Variants in FAM13C observed in about 807,000 individuals in gnomAD.
The protein encoded by FAM13C is family with sequence similarity 13 member C.
A neutral mutation model predicts 73.2 loss-of-function variants in FAM13C; 37 were observed. That is an observed-to-expected ratio of 0.51 (90% CI 0.39 to 0.67). The LOEUF is 0.67. FAM13C is among the 30% of genes least tolerant of loss of function. The probability of loss-of-function intolerance (pLI) is 0.00; values close to 1 mark genes in which losing one functional copy is unlikely to be tolerated. For missense variants in FAM13C, 589 were observed against 715.6 expected, an observed-to-expected ratio of 0.82 and a Z score of 2.02; for synonymous variants, 246 against 260.9, an observed-to-expected ratio of 0.94 and a Z score of 0.55.
intron 5 of FAM13C, among the ~76,000 whole-genome samples, chr10:59,291,940 C>CTTTTT: frequency 2.0e-5 from 3 of 151,916 alleles, no homozygotes; most frequent in Admixed American, 2.0e-4. Flanking sequence ...AGGCGCCCAC[C>CTTTTT]ATCACGCCTG....
At chr10:59,272,139 C>A (rs1303447077) in intron 6 of FAM13C, among the ~76,000 whole-genome samples, 1 of 152,176 alleles carries the variant, frequency 6.6e-6, no homozygotes, top group African/African-American at 2.4e-5. Context: ...TAATTGTAAA[C>A]CTCCATTTAT....
At chr10:59,263,323 G>C (rs971133294) in intron 9 of FAM13C, among the ~76,000 whole-genome samples, 3 of 152,142 alleles carry the variant, frequency 2.0e-5, no homozygotes, top group African/African-American at 7.2e-5. Flanking sequence ...CAATTACATA[G>C]CTCATTTTCT....
At chr10:59,317,893 C>A (rs556869243) in intron 4 of FAM13C, among the ~76,000 whole-genome samples, 4 of 151,992 alleles carry the variant, frequency 2.6e-5, no homozygotes, top group East Asian at 3.9e-4. Flanking sequence ...ATCCCTCCCC[C>A]CTTCCCCCAC....
intron 1 of FAM13C, among the ~76,000 whole-genome samples, chr10:59,356,887 G>A (rs1184315327): frequency 6.6e-6 from 1 of 152,200 alleles, no homozygotes; most frequent in African/African-American, 2.4e-5. Flanking sequence ...AAAGCAGGCA[G>A]AAGAAGCTGG....
intron 10 of FAM13C, among the ~76,000 whole-genome samples, chr10:59,255,640 A>T (rs1312803618): frequency 1.3e-5 from 2 of 152,160 alleles, no homozygotes; most frequent in African/African-American, 4.8e-5. Flanking sequence ...CTTTTATCAA[A>T]GTACACACAC....
intron 5 of FAM13C, chr10:59,297,289 G>A (rs1032319608): frequency 8.5e-5 from 13 of 152,234 alleles, no homozygotes; most frequent in African/African-American, 2.9e-4. Flanking sequence ...CCAGTGTGAC[G>A]GTGTTAACAT....
intron 3 of FAM13C, among the ~76,000 whole-genome samples, chr10:59,337,317 A>C (rs1479103498): frequency 1.3e-5 from 2 of 152,248 alleles, no homozygotes; most frequent in African/African-American, 4.8e-5. Flanking sequence ...GCACTGGCAG[A>C]CTTCCAGAAG....
upstream of FAM13C, chr10:59,362,634 G>T (rs1386283644): frequency 4.3e-6 from 6 of 1,411,496 alleles, no homozygotes; most frequent in Non-Finnish European, 4.6e-6. Flanking sequence ...CCAGCGGCAC[G>T]GGCGAACCAC....
intron 2 of FAM13C, among the ~76,000 whole-genome samples, chr10:59,354,995 CAAT>C (rs150232105): frequency 8.0e-5 from 12 of 149,696 alleles, no homozygotes; most frequent in Admixed American, 2.7e-4. Context: ...TGGACCTCAC[CAAT>C]AATAATAATA....
chr10:59,275,300 A>G (rs1844199917), intron 6 of FAM13C, among the ~76,000 whole-genome samples: 1 of 152,182 alleles, frequency 6.6e-6, no homozygotes, highest in Non-Finnish European at 1.5e-5. Context: ...CAATTCACTC[A>G]GGGAAGTTGG....
intron 5 of FAM13C, among the ~76,000 whole-genome samples, chr10:59,294,231 T>C (rs912359836): frequency 3.3e-5 from 5 of 152,220 alleles, no homozygotes; most frequent in African/African-American, 1.2e-4. Flanking sequence ...ACACAGTTCC[T>C]TCCAGCCTTA....
intron 10 of FAM13C, among the ~76,000 whole-genome samples, chr10:59,256,867 T>G (rs184191407): frequency 1.3e-5 from 2 of 152,300 alleles, no homozygotes; most frequent in Admixed American, 1.3e-4. Context: ...ATCAGATAAT[T>G]TTCTCTTCTG....
intron 3 of FAM13C, among the ~76,000 whole-genome samples, chr10:59,330,750 A>G (rs542078592): frequency 1.3e-5 from 2 of 152,318 alleles, no homozygotes; most frequent in South Asian, 2.1e-4. Context: ...CAACTCTCCA[A>G]TTGCAACACA....
Position 59,328,634 on chromosome 10 carries a change from T to C in FAM13C, c.325-4528A>G, listed in dbSNP as rs906205456. 7.9e-5 allele frequency among the ~76,000 whole-genome samples: 12 copies of C among 152,338 alleles called. No homozygotes were observed. In the South Asian group the frequency reaches 8.3e-4, roughly 11 times the overall value. ...CATCCTGTATATCTTCCCTCCAGGA[T>C]GTGGTCAATCAAAACATCAAATGTT... On this transcript the variant is annotated intron_variant, in intron 3 of 13. Transcript: ENST00000618804.
In FAM13C at chr10:59,321,207, AT is replaced by A. The variant is rs530572291; in HGVS notation, c.443+2780del. On this transcript the variant is annotated intron_variant, in intron 4 of 13. Coordinates refer to ENST00000618804, the MANE Select transcript of FAM13C (RefSeq NM_198215.4). Reference sequence around the variant, plus strand: ...TAGGGAAATTATCTGAGTGAGCCCAATCTATTCACATGAATCCTTAAAATCA... The same window carrying A: ...TAGGGAAATTATCTGAGTGAGCCCAACTATTCACATGAATCCTTAAAATCA... 6.0e-3 allele frequency among the ~76,000 whole-genome samples: 919 copies of A among 152,270 alleles called. 12 individuals are homozygous for A. The highest frequency in any genetic ancestry group is 0.021 in the African/African-American group (867 of 41,560).
At chr10:59,305,170 A>G (rs539545754) in intron 4 of FAM13C, among the ~76,000 whole-genome samples, 26 of 152,354 alleles carry the variant, frequency 1.7e-4, no homozygotes, top group Admixed American at 1.4e-3. Context: ...CCACTACATG[A>G]CTGACAACAG....
chr10:59,354,004 T>C (rs1855395793), intron 2 of FAM13C, among the ~76,000 whole-genome samples: 2 of 152,324 alleles, frequency 1.3e-5, no homozygotes, highest in South Asian at 4.1e-4. Flanking sequence ...GAAGTACATT[T>C]TTCTCACTAG....
intron 4 of FAM13C, among the ~76,000 whole-genome samples, chr10:59,306,615 C>T (rs1480008518): frequency 1.3e-5 from 2 of 152,186 alleles, no homozygotes; most frequent in Non-Finnish European, 2.9e-5. Flanking sequence ...GTGTCTCATG[C>T]CTGCAATCCT....
intron 4 of FAM13C, 72 bp downstream of exon 4, chr10:59,323,916 A>C: frequency 8.1e-7 from 1 of 1,241,922 alleles, no homozygotes; most frequent in Non-Finnish European, 1.2e-6. Context: ...CTTGTGTGGG[A>C]GTGGCAAGCA....
Sources: gnomAD v4.1 joint callset for allele counts (sites outside exome capture counted in the v4.1 genomes callset) on GRCh38, gnomAD v4.1.1 for gene constraint, MANE v1.5 for transcripts, NCBI Gene and HGNC (gene_info 2026-07-23, HGNC 2026-07-21) for gene names.